Variants in FAF1 observed in about 807,000 individuals in gnomAD.
FAF1 encodes the protein Fas associated factor 1, also known as FAS-associated factor 1.
Under a neutral mutation model 92.5 loss-of-function variants are expected in FAF1, and 25 were observed. The observed-to-expected ratio is 0.27, with a 90% CI of 0.20 to 0.38. FAF1 has a LOEUF of 0.38. Among genes scored for constraint, FAF1 ranks in the 10% least tolerant of loss-of-function variants. The pLI, the probability that FAF1 is intolerant of heterozygous loss-of-function variation, is 1.00. For synonymous variants in FAF1, 234 were observed against 273.2 expected (o/e 0.86, Z 1.42); for missense variants, 636 against 793.3 (o/e 0.80, Z 2.38).
rs995683758 is a variant in FAF1 at position 50,440,285 on chromosome 1, C to T, written c.*1155G>A. ...CCCAAATCTGTAGATTAAGAAAAAT[C>T]CACACTTACTAAATCAAATCAAAAA... On this transcript the variant is annotated 3_prime_UTR_variant, in exon 19 of 19. Transcript: ENST00000396153. 6.6e-6 allele frequency: 1 copy of T among 152,170 alleles called. No individual in the cohort carries two copies. Among genetic ancestry groups the T allele is most frequent in the Non-Finnish European group, 1.5e-5 (1 of 68,028 alleles). The allele number at this position is 152,170 out of a possible 1,614,324, so 9.4% of individuals were successfully genotyped here. A position where few individuals can be genotyped will look rare whatever the true frequency, so the allele number is the denominator to read the frequency against.
In FAF1 at chr1:50,439,689, T is replaced by C. The variant is rs545876365; in HGVS notation, c.*1751A>G. On this transcript the variant is annotated 3_prime_UTR_variant, in exon 19 of 19. Coordinates refer to ENST00000396153, the MANE Select transcript of FAF1 (RefSeq NM_007051.3). ...TCTTCACAGCAGCTACAGAACAAGG[T>C]CTACCTAGAAAAAAAAAGAGGTGGT... is the stretch of plus-strand genomic sequence containing the variant. The C allele has an allele frequency of 6.6e-6, 1 of 151,952 alleles. No homozygotes were observed. Among genetic ancestry groups the C allele is most frequent in the East Asian group, 1.9e-4 (1 of 5,166 alleles). 9.4% of individuals were successfully genotyped at this position (151,952 alleles called of 1,614,324 possible). A position where few individuals can be genotyped will look rare whatever the true frequency, so the allele number is the denominator to read the frequency against.
intron 8 of FAF1, among the ~76,000 whole-genome samples, chr1:50,611,638 C>T (rs1223130803): frequency 6.6e-6 from 1 of 152,160 alleles, no homozygotes; most frequent in African/African-American, 2.4e-5. Flanking sequence ...TCATTATTTG[C>T]TGCTGCTATT....
chr1:50,500,389 G>T (rs889324755), intron 15 of FAF1, among the ~76,000 whole-genome samples: 1 of 152,064 alleles, frequency 6.6e-6, no homozygotes, highest in Non-Finnish European at 1.5e-5. Flanking sequence ...TTTGACAAAG[G>T]TGCAGAGGCA....
chr1:50,645,834 G>GAA (rs139500832), intron 8 of FAF1, among the ~76,000 whole-genome samples: 17 of 145,228 alleles, frequency 1.2e-4, no homozygotes, highest in Middle Eastern at 3.5e-3. Context: ...TCTAAAAAAA[G>GAA]AAAAAAAAAA....
intron 7 of FAF1, among the ~76,000 whole-genome samples, chr1:50,695,004 T>A (rs1326738112): frequency 6.6e-6 from 1 of 152,032 alleles, no homozygotes; most frequent in East Asian, 1.9e-4. Flanking sequence ...ATTCTAACTG[T>A]CAGCAAAATA....
At chr1:50,637,679 A>ATGTG (rs764058700) in intron 8 of FAF1, among the ~76,000 whole-genome samples, 68 of 101,804 alleles carry the variant, frequency 6.7e-4, no homozygotes, top group Non-Finnish European at 1.0e-3. Context: ...ACACATATAT[A>ATGTG]TATGTGTGTG....
intron 12 of FAF1, among the ~76,000 whole-genome samples, chr1:50,579,908 C>T (rs1301946556): frequency 6.6e-6 from 1 of 152,084 alleles, no homozygotes; most frequent in Non-Finnish European, 1.5e-5. Context: ...TTTGTATATG[C>T]ACTGGATAGT....
chr1:50,620,132 C>A (rs552757154), intron 8 of FAF1, among the ~76,000 whole-genome samples: 5 of 152,308 alleles, frequency 3.3e-5, no homozygotes, highest in African/African-American at 1.2e-4. Context: ...TGGTCTCGAA[C>A]TCCTGACCTC....
intron 7 of FAF1, among the ~76,000 whole-genome samples, chr1:50,672,878 G>C (rs1655958727): frequency 2.0e-5 from 3 of 152,124 alleles, no homozygotes; most frequent in Admixed American, 2.0e-4. Context: ...CAGCACTCTA[G>C]GGGCTGAGGT....
At chr1:50,901,202 C>G (rs1644793706) in intron 1 of FAF1, among the ~76,000 whole-genome samples, 1 of 152,118 alleles carries the variant, frequency 6.6e-6, no homozygotes, top group Admixed American at 6.5e-5. Context: ...GGTTAGGATT[C>G]CACCTGCAGG....
chr1:50,490,464 A>AGG (rs1557966800), intron 17 of FAF1, 124 bp downstream of exon 17: 86 of 574,872 alleles, frequency 1.5e-4, no homozygotes, highest in South Asian at 7.2e-4. Flanking sequence ...AGGAAGGAAA[A>AGG]AGAAAGAAGG....
chr1:50,751,022 T>C lies in FAF1; in HGVS notation c.368-6247A>G, dbSNP rs1659844238. On this transcript the variant is annotated intron_variant, in intron 4 of 18. Transcript: ENST00000396153. ...GTGTTGAATATTGTCAAATGCTTTT[T>C]CTTATTTACTATACTAATATGGGGA... Among the ~76,000 whole-genome samples the C allele has an allele frequency of 2.0e-5, 3 of 150,776 alleles. No homozygotes were observed. The South Asian group carries it at 6.5e-4, about 33-fold the overall frequency.
intron 17 of FAF1, among the ~76,000 whole-genome samples, chr1:50,490,098 G>A (rs1366170973): frequency 1.3e-5 from 2 of 152,118 alleles, no homozygotes; most frequent in Admixed American, 1.3e-4. Flanking sequence ...GGTGGCTCAC[G>A]CCTGTAATGC....
At chr1:50,691,626 T>G (rs1656928256) in intron 7 of FAF1, among the ~76,000 whole-genome samples, 1 of 146,814 alleles carries the variant, frequency 6.8e-6, no homozygotes, top group Non-Finnish European at 1.5e-5. Flanking sequence ...AGTTTCTCTC[T>G]TGTTGCCCAG....
chr1:50,948,877 CTCA>C (rs1263418729), intron 1 of FAF1, among the ~76,000 whole-genome samples: 1 of 152,154 alleles, frequency 6.6e-6, no homozygotes, highest in Non-Finnish European at 1.5e-5. Flanking sequence ...CAAGAATTCA[CTCA>C]TCACCAAGGG....
chr1:50,547,942 G>A (rs1649114553), intron 13 of FAF1, among the ~76,000 whole-genome samples: 1 of 152,080 alleles, frequency 6.6e-6, no homozygotes, highest in Non-Finnish European at 1.5e-5. Flanking sequence ...CATAAAAATG[G>A]TGTTTACTTT....
At chr1:50,617,237 C>G (rs1652956788) in intron 8 of FAF1, among the ~76,000 whole-genome samples, 1 of 152,046 alleles carries the variant, frequency 6.6e-6, no homozygotes, top group East Asian at 1.9e-4. Context: ...GGGAAATGGT[C>G]CCAGCTTTTG....
chr1:50,854,898 A>C (rs1206147387), intron 2 of FAF1, among the ~76,000 whole-genome samples: 2 of 151,812 alleles, frequency 1.3e-5, no homozygotes, highest in African/African-American at 4.8e-5. Context: ...ATGATGTTCA[A>C]AAGGAAATGC....
intron 2 of FAF1, among the ~76,000 whole-genome samples, chr1:50,822,826 G>C (rs993003767): frequency 6.9e-6 from 1 of 144,246 alleles, no homozygotes; most frequent in South Asian, 2.2e-4. Flanking sequence ...CCAGGCTGGA[G>C]TGCAATGGCA....
Sources: allele counts gnomAD v4.1 joint callset (sites outside exome capture counted in the v4.1 genomes callset), GRCh38; gene constraint gnomAD v4.1.1; transcripts MANE v1.5; gene names NCBI Gene and HGNC (gene_info 2026-07-23, HGNC 2026-07-21).